Variants in ADGRL2 observed in about 807,000 individuals in gnomAD.
ADGRL2 encodes calcium-independent alpha-latrotoxin receptor 2.
ADGRL2 carries 44 observed loss-of-function variants against 157.4 expected under a neutral mutation model. The ratio of observed to expected loss-of-function variants is 0.28; its 90% CI spans 0.22 to 0.36. The LOEUF is 0.36. Ranked by LOEUF, ADGRL2 falls within the 10% of genes least tolerant of loss-of-function variation. The probability of loss-of-function intolerance (pLI) is 1.00; values close to 1 mark genes in which losing one functional copy is unlikely to be tolerated. For missense variants in ADGRL2, 1,510 were observed against 1,768.9 expected (o/e 0.85, Z 2.63); for synonymous variants, 585 against 624.7 (o/e 0.94, Z 0.95).
Position 81,401,757 on chromosome 1 carries a change from T to G in ADGRL2, c.-301-43279T>G, listed in dbSNP as rs79764825. Among the ~76,000 whole-genome samples the G allele has an allele frequency of 9.3e-3, 1,415 of 152,260 alleles. 27 individuals carry two copies. Among genetic ancestry groups the G allele is most frequent in the African/African-American group, 0.033 (1,363 of 41,544 alleles). ...CTAAGCAGCATCTTTTCCAGATGCC[T>G]GTTCGAACTCACTGTGCATTAGGGG... is the stretch of plus-strand genomic sequence containing the variant. On this transcript the variant is annotated intron_variant, in intron 1 of 24. Coordinates refer to the ADGRL2 transcript ENST00000370721.
At chr1:81,957,032 T>C (rs552864153) in intron 11 of ADGRL2, among the ~76,000 whole-genome samples, 56 of 152,290 alleles carry the variant, frequency 3.7e-4, no homozygotes, top group African/African-American at 1.3e-3. Flanking sequence ...TAATCTTAAA[T>C]TTATTTTATA....
chr1:81,973,623 G>A (rs533369700), intron 17 of ADGRL2, among the ~76,000 whole-genome samples: 1 of 152,136 alleles, frequency 6.6e-6, no homozygotes, highest in Non-Finnish European at 1.5e-5. Flanking sequence ...AAGAAAAAAG[G>A]GTAAAGGACA....
At chr1:81,551,442 A>G (rs1049776510) in intron 2 of ADGRL2, among the ~76,000 whole-genome samples, 4 of 152,206 alleles carry the variant, frequency 2.6e-5, no homozygotes, top group African/African-American at 7.2e-5. Context: ...GTTAGCTGTC[A>G]AGTGAACAAA....
At chr1:81,892,640 T>C (rs1051140713) in intron 2 of ADGRL2, among the ~76,000 whole-genome samples, 3 of 152,186 alleles carry the variant, frequency 2.0e-5, no homozygotes, top group Admixed American at 6.6e-5. Context: ...AATGGCTAGA[T>C]GGTAAATTTT....
intron 2 of ADGRL2, among the ~76,000 whole-genome samples, chr1:81,564,198 T>C (rs890174516): frequency 3.3e-5 from 5 of 152,172 alleles, no homozygotes; most frequent in African/African-American, 4.8e-5. Flanking sequence ...TGAAAGGAAC[T>C]CTGTTAAAGT....
chr1:81,963,168 T>TA (rs1655991420), intron 11 of ADGRL2, among the ~76,000 whole-genome samples: 1 of 89,028 alleles, frequency 1.1e-5, no homozygotes, highest in Non-Finnish European at 3.0e-5. Context: ...AACTTATACT[T>TA]CTTTTTTTTA....
intron 1 of ADGRL2, among the ~76,000 whole-genome samples, chr1:81,323,047 G>A (rs921714547): frequency 4.6e-5 from 7 of 151,868 alleles, no homozygotes; most frequent in Non-Finnish European, 4.4e-5. Context: ...TAGTAGAGAC[G>A]GGGTTTCGCT....
intron 1 of ADGRL2, among the ~76,000 whole-genome samples, chr1:81,715,534 G>A (rs1485662201): frequency 2.0e-5 from 3 of 152,002 alleles, no homozygotes. Flanking sequence ...TTTTCAGTTG[G>A]CTGGACATAA....
At chr1:81,924,950 A>G (rs1422227395) in intron 3 of ADGRL2, among the ~76,000 whole-genome samples, 4 of 152,000 alleles carry the variant, frequency 2.6e-5, no homozygotes, top group Non-Finnish European at 5.9e-5. Flanking sequence ...ATACTTGCTA[A>G]CAACATTTTT....
At chr1:81,855,595 G>T (rs1047876057) in intron 2 of ADGRL2, among the ~76,000 whole-genome samples, 1 of 151,746 alleles carries the variant, frequency 6.6e-6, no homozygotes, top group African/African-American at 2.4e-5. Context: ...CAAGCAGGAA[G>T]TTATGATACA....
At chr1:81,747,269 G>A in intron 1 of ADGRL2, among the ~76,000 whole-genome samples, 1 of 147,388 alleles carries the variant, frequency 6.8e-6, no homozygotes, top group South Asian at 2.1e-4. Flanking sequence ...ATGTATATGT[G>A]TATATATACA....
chr1:81,349,158 G>C (rs551854311), intron 1 of ADGRL2, among the ~76,000 whole-genome samples: 1 of 152,090 alleles, frequency 6.6e-6, no homozygotes, highest in Non-Finnish European at 1.5e-5. Context: ...CTAAGATTAG[G>C]CTTAAATCAA....
At chr1:81,476,267 G>A (rs188279345) in intron 2 of ADGRL2, among the ~76,000 whole-genome samples, 2 of 152,204 alleles carry the variant, frequency 1.3e-5, no homozygotes, top group African/African-American at 4.8e-5. Context: ...CATCCTTTAG[G>A]TCTCCACTAT....
Position 81,986,571 on chromosome 1 carries a change from C to T in ADGRL2, c.3509-330C>T, listed in dbSNP as rs575095857. 2.9e-3 allele frequency among the ~76,000 whole-genome samples: 444 copies of T among 152,132 alleles called. 2 individuals carry two copies. The highest frequency in any genetic ancestry group is 9.7e-3 in the African/African-American group (405 of 41,540). On this transcript the variant is annotated intron_variant, in intron 21 of 23. Transcript: ENST00000686636. ...CGTTTTTAATATTAAGCAGTAACAT[C>T]TTGAAACATAATGTTGATCTCTATG...
intron 2 of ADGRL2, among the ~76,000 whole-genome samples, chr1:81,573,001 T>G (rs2080726358): frequency 6.6e-6 from 1 of 151,630 alleles, no homozygotes; most frequent in Admixed American, 6.6e-5. Flanking sequence ...ATTTCACAGG[T>G]TTTAATCAAA....
intron 1 of ADGRL2, among the ~76,000 whole-genome samples, chr1:81,802,905 C>T (rs1288089368): frequency 6.6e-6 from 1 of 152,148 alleles, no homozygotes; most frequent in Non-Finnish European, 1.5e-5. Flanking sequence ...CGGGCCGCCG[C>T]CGGGACTGGC....
intron 6 of ADGRL2, 33 bp from the exon 7 acceptor site, chr1:81,950,156 T>C: frequency 6.3e-7 from 1 of 1,586,524 alleles, no homozygotes; most frequent in Non-Finnish European, 8.6e-7. Flanking sequence ...CAAGTGTGTG[T>C]TTGAGATTAA....
rs191175872 is a variant in ADGRL2, at chr1:81,946,205, C to T, written c.1210+2436C>T. ...AAATTGTGCTATAAAATTATCCATT[C>T]GTTTTTTTTCATTATCTATGTCATT... On this transcript the variant is annotated intron_variant, in intron 6 of 23. Coordinates refer to ENST00000686636, the MANE Select transcript of ADGRL2 (RefSeq NM_001366006.2). Among the ~76,000 whole-genome samples, 696 of 151,996 alleles carry T rather than the reference C, an allele frequency of 4.6e-3. 24 individuals are homozygous for T. The highest frequency in any genetic ancestry group is 0.041 in the Admixed American group (633 of 15,258).
At chr1:81,857,995 C>G (rs1338831780) in intron 2 of ADGRL2, among the ~76,000 whole-genome samples, 2 of 151,798 alleles carry the variant, frequency 1.3e-5, no homozygotes, top group African/African-American at 4.8e-5. Context: ...TGTATTTTAT[C>G]TCAAACGTGA....
Sources: allele counts gnomAD v4.1 joint callset (sites outside exome capture counted in the v4.1 genomes callset), GRCh38; gene constraint gnomAD v4.1.1; transcripts MANE v1.5; gene names NCBI Gene and HGNC (gene_info 2026-07-23, HGNC 2026-07-21).